Variants in CXCL17 observed in about 807,000 individuals in gnomAD.
CXCL17 encodes the protein C-X-C motif chemokine 17.
CXCL17 carries 9 observed loss-of-function variants against 15.5 expected under a neutral mutation model. The observed-to-expected ratio is 0.58, with a 90% CI of 0.35 to 1.01. The LOEUF is 1.01. CXCL17 is among the 50% of genes least tolerant of loss of function. The pLI is 0.02. For missense variants in CXCL17, 133 were observed against 138.2 expected (o/e 0.96, Z 0.19); for synonymous variants, 52 against 52.3 (o/e 0.99, Z 0.02).
intron 1 of CXCL17, among the ~76,000 whole-genome samples, chr19:42,439,025 G>C (rs917902165): frequency 1.3e-5 from 2 of 152,128 alleles, no homozygotes; most frequent in Non-Finnish European, 2.9e-5. Flanking sequence ...AGGCCAAAGT[G>C]GGGGGATCAC....
chr19:42,433,897 G>T, intron 1 of CXCL17, 41 bp from the exon 2 acceptor site: 3 of 1,470,550 alleles, frequency 2.0e-6, no homozygotes, highest in East Asian at 2.3e-5. Flanking sequence ...ACTGGAAAGG[G>T]CACAGAAATG....
intron 1 of CXCL17, among the ~76,000 whole-genome samples, chr19:42,436,145 G>A (rs928540695): frequency 5.4e-5 from 8 of 149,098 alleles, no homozygotes; most frequent in African/African-American, 1.8e-4. Context: ...CACATGGTAG[G>A]CATTTGGCAA....
intron 1 of CXCL17, among the ~76,000 whole-genome samples, chr19:42,434,510 C>T (rs2040813980): frequency 6.6e-6 from 1 of 152,156 alleles, no homozygotes; most frequent in African/African-American, 2.4e-5. Context: ...CTCACTGCAG[C>T]CTTGACCTCC....
intron 3 of CXCL17, among the ~76,000 whole-genome samples, chr19:42,430,558 C>T (rs1179568828): frequency 6.8e-6 from 1 of 147,928 alleles, no homozygotes; most frequent in Admixed American, 6.8e-5. Flanking sequence ...TGCGCTATTG[C>T]ACTCCAGCCT....
intron 1 of CXCL17, among the ~76,000 whole-genome samples, chr19:42,441,723 C>T (rs558161414): frequency 6.6e-6 from 1 of 152,236 alleles, no homozygotes; most frequent in Non-Finnish European, 1.5e-5. Context: ...TCAAAGTGGC[C>T]TTTGGGGAGA....
At position 42,433,068 on chromosome 19, in the gene CXCL17, A is replaced by C. The variant is rs2040799320; in HGVS notation, c.170T>G (p.Leu57Arg). 6.2e-7 allele frequency: 1 copy of C among 1,613,268 alleles called. No homozygotes were observed. The highest frequency in any genetic ancestry group is 1.7e-5 in the Admixed American group (1 of 59,946). Residue 57 changes from leucine (L) to arginine (R), a missense_variant, in exon 3 of 4, where the codon CTG (leucine) becomes CGG (arginine). Coordinates refer to ENST00000601181, the MANE Select transcript of CXCL17 (RefSeq NM_198477.3). ...CATGAATTTTCTTCTCGGGGCTCTC[A>C]GGAACCAATCTGGAACAACAGCATT... ...GQECECKDWF[L>R]RAPRRKFMTV...
chr19:42,428,446 T>C lies in CXCL17; in HGVS notation c.*438A>G, dbSNP rs1339213126. 1 of 155,240 alleles carries C rather than the reference T, an allele frequency of 6.4e-6. No individual in the cohort carries two copies. Among genetic ancestry groups the C allele is most frequent in the Non-Finnish European group, 1.4e-5 (1 of 70,074 alleles). The allele number at this position is 155,240 out of a possible 1,614,324, so 9.6% of individuals were successfully genotyped here. On this transcript the variant is annotated 3_prime_UTR_variant, in exon 4 of 4. Coordinates refer to ENST00000601181, the MANE Select transcript of CXCL17 (RefSeq NM_198477.3). ...GTGAGGGTCTTGGTGGGGATAAGTATGTGTAGAATCTGGATTCAGTCTGCA... is the reference window on the plus strand; with the variant it reads ...GTGAGGGTCTTGGTGGGGATAAGTACGTGTAGAATCTGGATTCAGTCTGCA...
intron 1 of CXCL17, among the ~76,000 whole-genome samples, chr19:42,436,147 A>G (rs565172975): frequency 6.7e-6 from 1 of 149,098 alleles, no homozygotes; most frequent in Non-Finnish European, 1.5e-5. Context: ...CATGGTAGGC[A>G]TTTGGCAAAT....
rs780532703 is a variant in CXCL17 at position 42,433,767 on chromosome 19, A to AT, written c.160+8dup. The AT allele has an allele frequency of 1.2e-5, 20 of 1,612,958 alleles. No individual in the cohort carries two copies. The African/African-American group carries it at 2.5e-4, about 20-fold the overall frequency. ...ATGCCATCGCTGTTGTTGTTGCTGA[A>AT]TTACTGACCTTTGCACTCACATTCT... On this transcript the variant is annotated intron_variant, in intron 2 of 3. Coordinates refer to ENST00000601181, the MANE Select transcript of CXCL17 (RefSeq NM_198477.3).
At chr19:42,439,282 A>G (rs1449739621) in intron 1 of CXCL17, among the ~76,000 whole-genome samples, 1 of 151,834 alleles carries the variant, frequency 6.6e-6, no homozygotes, top group Non-Finnish European at 1.5e-5. Flanking sequence ...AAAGAAAAAG[A>G]AAAAGGAATA....
At chr19:42,429,816 T>C (rs1490014383) in intron 3 of CXCL17, among the ~76,000 whole-genome samples, 2 of 152,198 alleles carry the variant, frequency 1.3e-5, no homozygotes, top group Non-Finnish European at 2.9e-5. Flanking sequence ...ATAAATACAA[T>C]GGTTTATTTT....
chr19:42,429,804 A>G (rs945519459), intron 3 of CXCL17, among the ~76,000 whole-genome samples: 22 of 152,340 alleles, frequency 1.4e-4, no homozygotes, highest in Admixed American at 8.5e-4. Context: ...ACCTTCTGGT[A>G]TATAAATACA....
intron 1 of CXCL17, among the ~76,000 whole-genome samples, chr19:42,435,553 C>T (rs1457754353): frequency 6.6e-6 from 1 of 152,080 alleles, no homozygotes; most frequent in East Asian, 1.9e-4. Flanking sequence ...GAGATTTGGG[C>T]TGGGCGCGGT....
At position 42,442,939 on chromosome 19, in the gene CXCL17, T is replaced by G; in HGVS notation, c.-107A>C. On this transcript the variant is annotated 5_prime_UTR_variant, in exon 1 of 4. Transcript: ENST00000601181. ...ACTCAGGTCAGGATACTCAGCCTGG[T>G]GGTCTATGCTTTAGTCCCAGGCCAG... 1 of 785,130 alleles carries G rather than the reference T, an allele frequency of 1.3e-6. No homozygotes were observed. Among genetic ancestry groups the G allele is most frequent in the Non-Finnish European group, 2.1e-6 (1 of 473,090 alleles). 48.6% of individuals were successfully genotyped at this position (785,130 alleles called of 1,614,324 possible).
chr19:42,429,980 C>CTG (rs2040761135), intron 3 of CXCL17, among the ~76,000 whole-genome samples: 1 of 152,058 alleles, frequency 6.6e-6, no homozygotes, highest in African/African-American at 2.4e-5. Flanking sequence ...CCAGCCTGAG[C>CTG]AACATGGCGA....
At chr19:42,440,265 T>A (rs1229307522) in intron 1 of CXCL17, among the ~76,000 whole-genome samples, 1 of 152,204 alleles carries the variant, frequency 6.6e-6, no homozygotes. Context: ...TATTTCCTAA[T>A]GACCTCATAT....
At chr19:42,435,178 CAAA>C (rs11289473) in intron 1 of CXCL17, among the ~76,000 whole-genome samples, 5 of 114,292 alleles carry the variant, frequency 4.4e-5, no homozygotes, top group Admixed American at 8.7e-5. Context: ...GACACGGTCT[CAAA>C]AAAAAAAAAA....
chr19:42,433,834 GTCCCTGTGGCCTC>G lies in CXCL17; in HGVS notation c.89_101del (p.Arg30ThrfsTer24). 6.2e-7 allele frequency: 1 copy of G among 1,613,996 alleles called. No individual in the cohort carries two copies. The highest frequency in any genetic ancestry group is 8.5e-7 in the Non-Finnish European group (1 of 1,180,002). On this transcript the variant is annotated frameshift_variant, in exon 2 of 4. Coordinates refer to ENST00000601181, the MANE Select transcript of CXCL17 (RefSeq NM_198477.3). LOFTEE classifies it high-confidence loss of function. ...GCCATCTCCTAGAAGCCTGGCCTCG[GTCCCTGTGGCCTC>G]TGGCGACCCCTGTCGGAAGGAAACA... is the stretch of plus-strand genomic sequence containing the variant.
chr19:42,436,802 C>A (rs1318458273), intron 1 of CXCL17, among the ~76,000 whole-genome samples: 1 of 152,060 alleles, frequency 6.6e-6, no homozygotes, highest in African/African-American at 2.4e-5. Flanking sequence ...TGGTAAATTT[C>A]TTTGTTCTTG....
Sources: gnomAD v4.1 joint callset for allele counts (sites outside exome capture counted in the v4.1 genomes callset) on GRCh38, gnomAD v4.1.1 for gene constraint, MANE v1.5 for transcripts, NCBI Gene and HGNC (gene_info 2026-07-23, HGNC 2026-07-21) for gene names.